Variants in SEC31A observed in about 807,000 individuals in gnomAD.
SEC31A encodes protein transport protein Sec31A.
SEC31A carries 70 observed loss-of-function variants against 151.0 expected under a neutral mutation model. The observed-to-expected ratio is 0.46, with a 90% CI of 0.38 to 0.57. SEC31A has a LOEUF of 0.57. Among genes scored for constraint, SEC31A ranks in the 20% least tolerant of loss-of-function variants. The pLI is 0.00. For synonymous variants in SEC31A, 475 were observed against 505.9 expected (o/e 0.94, Z 0.82); for missense variants, 1,330 against 1,471.2 (o/e 0.90, Z 1.57).
At chr4:82,824,701 C>G in intron 24 of SEC31A, 27 bp from the exon 25 acceptor site, 6 of 1,605,936 alleles carry the variant, frequency 3.7e-6, no homozygotes, top group Non-Finnish European at 5.1e-6. Flanking sequence ...AAAAACTGAT[C>G]AGAAATGACC....
chr4:82,898,398 G>A (rs997126545), intron 3 of SEC31A, among the ~76,000 whole-genome samples: 1 of 152,192 alleles, frequency 6.6e-6, no homozygotes, highest in African/African-American at 2.4e-5. Flanking sequence ...TATTTCCTAT[G>A]CAGAAGTAAA....
chr4:82,827,687 C>T, intron 23 of SEC31A, 55 bp from the exon 24 acceptor site: 1 of 1,567,210 alleles, frequency 6.4e-7, no homozygotes, highest in African/African-American at 1.4e-5. Flanking sequence ...ACGATAGCAA[C>T]ATTTCTTCAG....
chr4:82,826,582 A>C, intron 24 of SEC31A, among the ~76,000 whole-genome samples: 1 of 152,174 alleles, frequency 6.6e-6, no homozygotes, highest in African/African-American at 2.4e-5. Context: ...CCAACTCCTG[A>C]CCTCAGGTGA....
In SEC31A at chr4:82,891,103, G is replaced by T; in HGVS notation, c.-20C>A. On this transcript the variant is annotated 5_prime_UTR_variant, in exon 1 of 27. Coordinates refer to ENST00000395310, the MANE Select transcript of SEC31A (RefSeq NM_001077207.4). ...GCGGACGCACCTGGCGAGGACCTTC[G>T]GCAGCCGGATCCTGCGTTAGTGCAG... 1 of 1,535,988 alleles carries T rather than the reference G, an allele frequency of 6.5e-7. No homozygotes were observed. The highest frequency in any genetic ancestry group is 8.7e-7 in the Non-Finnish European group (1 of 1,146,796).
chr4:82,875,877 A>T, intron 4 of SEC31A, 55 bp from the exon 5 acceptor site: 1 of 958,356 alleles, frequency 1.0e-6, no homozygotes, highest in African/African-American at 1.7e-5. Flanking sequence ...GAAAATTCAG[A>T]ATAACTCAGT....
intron 7 of SEC31A, chr4:82,871,523 C>G (rs1736672967): frequency 1.2e-5 from 11 of 888,606 alleles, no homozygotes; most frequent in Non-Finnish European, 1.9e-5. Context: ...TGCCTGTATT[C>G]CCAGCACTTT....
rs921853740 is a variant in SEC31A, at chr4:82,836,752, T to A, written c.2968+5388A>T. 2.0e-5 allele frequency among the ~76,000 whole-genome samples: 3 copies of A among 151,986 alleles called. No individual in the cohort carries two copies. In the South Asian group the frequency reaches 6.2e-4, roughly 32 times the overall value. On this transcript the variant is annotated intron_variant, in intron 22 of 26. Coordinates refer to ENST00000395310, the MANE Select transcript of SEC31A (RefSeq NM_001077207.4). ...ATTTAATGGGTACAGTGTTTCAGTA[T>A]GAGATGATGAAAAAATTCTGCAGGG...
At chr4:82,888,959 G>C (rs926535607) in intron 1 of SEC31A, among the ~76,000 whole-genome samples, 6 of 152,196 alleles carry the variant, frequency 3.9e-5, no homozygotes, top group Admixed American at 2.0e-4. Flanking sequence ...AATAGAATTG[G>C]AACTTGGATT....
At chr4:82,824,504 C>T (rs757507865) in intron 25 of SEC31A, 51 bp downstream of exon 25, 2 of 1,591,988 alleles carry the variant, frequency 1.3e-6, no homozygotes, top group Non-Finnish European at 1.7e-6. Context: ...CACACCTGGC[C>T]AAGGATTCTT....
At chr4:82,853,478 T>C (rs1044989606) in intron 18 of SEC31A, 92 bp downstream of exon 18, 8 of 1,102,082 alleles carry the variant, frequency 7.3e-6, no homozygotes, top group Non-Finnish European at 1.0e-5. Flanking sequence ...CTTGAATGTA[T>C]AGAAAAAATG....
chr4:82,854,364 C>A (rs1303092080), intron 17 of SEC31A, among the ~76,000 whole-genome samples: 155 of 130,188 alleles, frequency 1.2e-3, no homozygotes, highest in African/African-American at 2.7e-3. Context: ...ACTCCGTCTC[C>A]AAAAAAAAAA....
At chr4:82,824,403 C>T (rs1560579729) in intron 25 of SEC31A, 152 bp downstream of exon 25, 3 of 693,072 alleles carry the variant, frequency 4.3e-6, no homozygotes, top group African/African-American at 3.7e-5. Flanking sequence ...CGGGGTTTTG[C>T]TATGTTGGCC....
intron 1 of SEC31A, among the ~76,000 whole-genome samples, chr4:82,889,457 G>A (rs1741735952): frequency 6.6e-6 from 1 of 151,182 alleles, no homozygotes. Flanking sequence ...TGAGGCGGGA[G>A]GATCTCTTGA....
At chr4:82,839,908 A>G (rs975329433) in intron 22 of SEC31A, among the ~76,000 whole-genome samples, 4 of 152,256 alleles carry the variant, frequency 2.6e-5, no homozygotes, top group African/African-American at 7.2e-5. Flanking sequence ...GAGAAAAAGA[A>G]TATCTATGCA....
chr4:82,893,905 A>G (rs1719947868), upstream of SEC31A: 1 of 152,228 alleles, frequency 6.6e-6, no homozygotes, highest in African/African-American at 2.4e-5. Flanking sequence ...AACTTGAGAA[A>G]AATGTACTGC....
chr4:82,873,420 CCT>C lies in SEC31A; in HGVS notation c.639+1189_639+1190del, dbSNP rs1309988564. Among the ~76,000 whole-genome samples the C allele has an allele frequency of 3.3e-5, 5 of 151,882 alleles. No homozygotes were observed. In the East Asian group the frequency reaches 9.7e-4, roughly 29 times the overall value. On this transcript the variant is annotated intron_variant, in intron 6 of 26. Coordinates refer to ENST00000395310, the MANE Select transcript of SEC31A (RefSeq NM_001077207.4). The stretch of plus-strand genomic sequence containing the variant: ...AGACACAAAAAAACCCCATACTTTT[CCT>C]CTATTTTATCAGAAAAATCAAGGCA...
chr4:82,881,050 AGAT>A, intron 2 of SEC31A, 128 bp from the exon 3 acceptor site: 1 of 730,596 alleles, frequency 1.4e-6, no homozygotes. Context: ...GCCATTGAGC[AGAT>A]GCTTAAATTA....
chr4:82,827,682 A>G (rs1724911428), intron 23 of SEC31A, 50 bp from the exon 24 acceptor site: 1 of 1,579,368 alleles, frequency 6.3e-7, no homozygotes, highest in African/African-American at 1.4e-5. Flanking sequence ...TAAAAACGAT[A>G]GCAACATTTC....
At chr4:82,891,244 T>A, upstream of SEC31A, 1 of 1,412,852 alleles carries the variant, frequency 7.1e-7, no homozygotes, top group Non-Finnish European at 9.6e-7. Flanking sequence ...GCCCAACACT[T>A]CCGGGAGCGA....
Sources: allele counts gnomAD v4.1 joint callset (sites outside exome capture counted in the v4.1 genomes callset), GRCh38; gene constraint gnomAD v4.1.1; transcripts MANE v1.5; gene names NCBI Gene and HGNC (gene_info 2026-07-23, HGNC 2026-07-21).